FNIP1: variants seen among roughly 807,000 people sequenced by gnomAD.
FNIP1 encodes the protein folliculin interacting protein 1, also known as folliculin-interacting protein 1.
In FNIP1, 40 loss-of-function variants were observed where a neutral mutation model predicts 124.5. The observed-to-expected ratio is 0.32, with a 90% CI of 0.25 to 0.42. FNIP1 has a LOEUF of 0.42. Among genes scored for constraint, FNIP1 ranks in the 10% least tolerant of loss-of-function variants. The pLI is 1.00. For missense variants in FNIP1, 1,176 were observed against 1,403.7 expected (o/e 0.84, Z 2.59); for synonymous variants, 472 against 470.6 (o/e 1.00, Z -0.04).
At chr5:131,746,019 G>A (rs1320833421) in intron 1 of FNIP1, among the ~76,000 whole-genome samples, 1 of 152,096 alleles carries the variant, frequency 6.6e-6, no homozygotes, top group Non-Finnish European at 1.5e-5. Context: ...GTGCTGACAT[G>A]GATCTTTACT....
At chr5:131,713,770 A>G (rs1352332849) in intron 6 of FNIP1, among the ~76,000 whole-genome samples, 3 of 152,214 alleles carry the variant, frequency 2.0e-5, no homozygotes, top group Non-Finnish European at 4.4e-5. Context: ...CTTCTATTTA[A>G]TTAGCTAATC....
At chr5:131,650,826 T>C (rs545744032) in intron 16 of FNIP1, among the ~76,000 whole-genome samples, 1 of 152,214 alleles carries the variant, frequency 6.6e-6, no homozygotes, top group South Asian at 2.1e-4. Flanking sequence ...TCCTAATAAG[T>C]GAAAGAAAGA....
intron 10 of FNIP1, among the ~76,000 whole-genome samples, chr5:131,703,747 C>A (rs1026824656): frequency 1.3e-5 from 2 of 152,214 alleles, no homozygotes; most frequent in Non-Finnish European, 2.9e-5. Flanking sequence ...TTATTACATA[C>A]ATCTATATTC....
rs193139665 is a variant in FNIP1, at chr5:131,751,244, C to A, written c.93-6554G>T. Among the ~76,000 whole-genome samples the A allele has an allele frequency of 3.4e-3, 512 of 152,224 alleles. 4 individuals are homozygous for A. The highest frequency in any genetic ancestry group is 0.012 in the African/African-American group (485 of 41,532). On this transcript the variant is annotated intron_variant, in intron 1 of 17. Transcript: ENST00000510461. ...AATATTCTCACTCTCCTGGCAAACT[C>A]TTATTTATTCTTAAAGATCTAGCTC...
chr5:131,752,884 A>G (rs79506709), intron 1 of FNIP1, among the ~76,000 whole-genome samples: 4,045 of 152,286 alleles, frequency 0.027, 189 homozygotes, highest in African/African-American at 0.092. Flanking sequence ...TCTGACCTAC[A>G]TGGGAGAAAT....
In FNIP1 at chr5:131,708,471, T is replaced by C. The variant is rs555692699; in HGVS notation, c.778+730A>G. Among the ~76,000 whole-genome samples, 13 of 152,300 alleles carry C rather than the reference T, an allele frequency of 8.5e-5. 3 individuals are homozygous for C. The highest frequency in any genetic ancestry group is 3.1e-4 in the African/African-American group (13 of 41,558). ...CTTTTCCTTTTAGCTAAAATGCTTT[T>C]CTGAGCTTTTGCCTGGATAACTGCT... On this transcript the variant is annotated intron_variant, in intron 8 of 17. Coordinates refer to ENST00000510461, the MANE Select transcript of FNIP1 (RefSeq NM_133372.3).
chr5:131,697,014 T>G (rs1052462438), intron 11 of FNIP1, among the ~76,000 whole-genome samples: 1 of 152,166 alleles, frequency 6.6e-6, no homozygotes, highest in Admixed American at 6.5e-5. Context: ...AAATGTTTTA[T>G]ATATTTTAAA....
intron 10 of FNIP1, among the ~76,000 whole-genome samples, chr5:131,702,290 C>A (rs1768929056): frequency 6.6e-6 from 1 of 152,220 alleles, no homozygotes; most frequent in African/African-American, 2.4e-5. Context: ...ACCCCTCCCA[C>A]CTCGGCCTCC....
At chr5:131,756,601 C>A (rs1010185840) in intron 1 of FNIP1, among the ~76,000 whole-genome samples, 30 of 151,936 alleles carry the variant, frequency 2.0e-4, no homozygotes, top group Admixed American at 1.9e-3. Context: ...CAAGGGTGCC[C>A]CTAATGAACA....
At chr5:131,740,878 T>C (rs1187176462) in intron 2 of FNIP1, among the ~76,000 whole-genome samples, 1 of 152,164 alleles carries the variant, frequency 6.6e-6, no homozygotes, top group Non-Finnish European at 1.5e-5. Flanking sequence ...AAAACCAAGA[T>C]GGCGACAAGA....
chr5:131,672,875 C>T lies in FNIP1; in HGVS notation c.1569G>A (p.Val523=). Residue 523 remains valine (V), a synonymous_variant, in exon 14 of 18, where the codon GTG becomes GTA. Transcript: ENST00000510461. Reference sequence around the variant, plus strand: ...CCATGTCTTGTCGTTTGCCAACTACCACAGTCCTTGCTAACCGTACGGGAG... The same window carrying T: ...CCATGTCTTGTCGTTTGCCAACTACTACAGTCCTTGCTAACCGTACGGGAG... ...IGSPVRLART[V]VVGKRQDMVQ... The T allele has an allele frequency of 6.3e-7, 1 of 1,599,826 alleles. No homozygotes were observed. The highest frequency in any genetic ancestry group is 8.5e-7 in the Non-Finnish European group (1 of 1,173,996).
chr5:131,735,670 G>A (rs930763552), intron 2 of FNIP1, among the ~76,000 whole-genome samples: 48 of 149,188 alleles, frequency 3.2e-4, no homozygotes, highest in African/African-American at 1.1e-3. Context: ...GTATATATAC[G>A]TATAAAATAT....
At chr5:131,681,087 C>T (rs1297284762) in intron 11 of FNIP1, among the ~76,000 whole-genome samples, 1 of 152,186 alleles carries the variant, frequency 6.6e-6, no homozygotes, top group African/African-American at 2.4e-5. Flanking sequence ...TCCACTTCCC[C>T]AGAAAATGAC....
In FNIP1 at chr5:131,702,938, T is replaced by C. The variant is rs78722549; in HGVS notation, c.1116+1127A>G. ...AATGCACCACAACTCAGGCTTACCA[T>C]TGCCTGTCCTCTCTTGCCAATCTCC... is the stretch of plus-strand genomic sequence containing the variant. On this transcript the variant is annotated intron_variant, in intron 10 of 17. Coordinates refer to ENST00000510461, the MANE Select transcript of FNIP1 (RefSeq NM_133372.3). Among the ~76,000 whole-genome samples the C allele has an allele frequency of 7.4e-3, 1,131 of 152,306 alleles. 15 individuals are homozygous for C. Among genetic ancestry groups the C allele is most frequent in the African/African-American group, 0.026 (1,098 of 41,568 alleles).
At chr5:131,707,854 C>CA in intron 8 of FNIP1, among the ~76,000 whole-genome samples, 1 of 152,110 alleles carries the variant, frequency 6.6e-6, no homozygotes, top group Non-Finnish European at 1.5e-5. Context: ...CCAGATGCTT[C>CA]AACTTACAAA....
intron 3 of FNIP1, 143 bp downstream of exon 3, chr5:131,730,761 A>T: frequency 1.8e-6 from 1 of 549,158 alleles, no homozygotes; most frequent in Non-Finnish European, 3.0e-6. Flanking sequence ...GTTCATAAAC[A>T]TAATTGTTTA....
chr5:131,779,889 TTAGAAATTTTTTTTAATAAAAA>T (rs1160353038), intron 1 of FNIP1, among the ~76,000 whole-genome samples: 1 of 151,910 alleles, frequency 6.6e-6, no homozygotes. Context: ...TACATTTTTG[TTAGAAATTTTTTTTAATAAAAA>T]GCTTTAGGGA....
At chr5:131,785,058 T>TCATATATATGA (rs1772133172) in intron 1 of FNIP1, among the ~76,000 whole-genome samples, 2 of 12,604 alleles carry the variant, frequency 1.6e-4, no homozygotes, top group South Asian at 4.5e-3. Flanking sequence ...ACTATATATA[T>TCATATATATGA]CATATATATG....
intron 1 of FNIP1, among the ~76,000 whole-genome samples, chr5:131,773,559 A>G (rs1479362324): frequency 6.6e-6 from 1 of 152,234 alleles, no homozygotes; most frequent in African/African-American, 2.4e-5. Context: ...TTTGATCACC[A>G]ATAGGAATCA....
Sources: allele counts gnomAD v4.1 joint callset (sites outside exome capture counted in the v4.1 genomes callset), GRCh38; gene constraint gnomAD v4.1.1; transcripts MANE v1.5; gene names NCBI Gene and HGNC (gene_info 2026-07-23, HGNC 2026-07-21).